Variants in OVOL2 observed in about 807,000 individuals in gnomAD.
OVOL2 encodes the protein transcription factor Ovo-like 2.
OVOL2 carries 13 observed loss-of-function variants against 18.1 expected under a neutral mutation model. That is an observed-to-expected ratio of 0.72 (90% CI 0.47 to 1.14). The LOEUF (loss-of-function observed/expected upper bound fraction) is 1.14, where lower values mean the gene tolerates loss of function less well. OVOL2 is among the 50% of genes most tolerant of loss of function. OVOL2 has a pLI of 0.00. For synonymous variants in OVOL2, 166 were observed against 162.7 expected (o/e 1.02, Z -0.16); for missense variants, 335 against 383.0 (o/e 0.87, Z 1.05).
In OVOL2 at chr20:18,047,402, C is replaced by T. The variant is rs1351037231; in HGVS notation, c.322-5679G>A. The stretch of plus-strand genomic sequence containing the variant: ...GTGGCTACTCATAATCCCAGCTACT[C>T]GGGAGGCTGAAACAAGAGAATCGTT... On this transcript the variant is annotated intron_variant, in intron 2 of 3. Transcript: ENST00000278780. 7.1e-5 allele frequency among the ~76,000 whole-genome samples: 10 copies of T among 141,200 alleles called. 2 individuals carry two copies. The highest frequency in any genetic ancestry group is 2.5e-4 in the African/African-American group (9 of 36,562). 92.6% of individuals were successfully genotyped at this position (141,200 alleles called of 152,430 possible).
At chr20:18,043,736 G>A (rs1306543911) in intron 2 of OVOL2, among the ~76,000 whole-genome samples, 1 of 152,166 alleles carries the variant, frequency 6.6e-6, no homozygotes, top group Non-Finnish European at 1.5e-5. Context: ...ACCTGGGTCT[G>A]GACTCCCTGC....
chr20:18,047,123 C>T lies in OVOL2; in HGVS notation c.322-5400G>A, dbSNP rs146412030. Among the ~76,000 whole-genome samples, 422 of 152,322 alleles carry T rather than the reference C, an allele frequency of 2.8e-3. 4 individuals are homozygous for T. Among genetic ancestry groups the T allele is most frequent in the Admixed American group, 0.025 (379 of 15,304 alleles). ...TTCCTCAATTCCTTCAATTCCTGTTCTACCACTTAGTTTGTGGCAAGTTAC... is the reference window on the plus strand; with the variant it reads ...TTCCTCAATTCCTTCAATTCCTGTTTTACCACTTAGTTTGTGGCAAGTTAC... On this transcript the variant is annotated intron_variant, in intron 2 of 3. Transcript: ENST00000278780.
chr20:18,055,013 C>A lies in OVOL2; in HGVS notation c.321+1644G>T, dbSNP rs1235599473. 3.3e-5 allele frequency among the ~76,000 whole-genome samples: 5 copies of A among 151,964 alleles called. No individual in the cohort carries two copies. In the East Asian group the frequency reaches 9.7e-4, roughly 29 times the overall value. ...GGCAGAAAGAGGGAACCTAAACATCCCCAGTAAATAAAAATTCCCCTGGAA... is the reference window on the plus strand; with the variant it reads ...GGCAGAAAGAGGGAACCTAAACATCACCAGTAAATAAAAATTCCCCTGGAA... On this transcript the variant is annotated intron_variant, in intron 2 of 3. Transcript: ENST00000278780.
chr20:18,027,072 A>G (rs2036526353), intron 3 of OVOL2, among the ~76,000 whole-genome samples: 1 of 151,048 alleles, frequency 6.6e-6, no homozygotes, highest in African/African-American at 2.4e-5. Context: ...ATATAAACAA[A>G]CCTGCACATG....
rs1368025582 is a variant in OVOL2 at position 18,057,540 on chromosome 20, A to T, written c.95T>A (p.Ile32Asn). The T allele has an allele frequency of 1.3e-6, 2 of 1,550,932 alleles. No individual in the cohort carries two copies. Among genetic ancestry groups the T allele is most frequent in the Admixed American group, 1.8e-5 (1 of 54,874 alleles). ...CGGCCCCCGCGCGCGCTCACCTGGG[A>T]TGTAGGTGTCTGCCCTTTTCTCATC... ...LPDEKRADTY[I>N]PVGLGRLLHD... The change falls in exon 1 of 4, where the codon ATC (isoleucine) becomes AAC (asparagine). Residue 32 changes from isoleucine to asparagine, a missense_variant. By Grantham distance (149) the Ile-to-Asn change is moderately radical. Transcript: ENST00000278780. This position sits in a 1 kb window ranked among gnomAD's most constrained non-coding sequence, Gnocchi z 6.3.
Position 18,039,415 on chromosome 20 carries a change from A to G in OVOL2, c.511+2119T>C, listed in dbSNP as rs1030000776. Among the ~76,000 whole-genome samples, 83 of 152,188 alleles carry G rather than the reference A, an allele frequency of 5.5e-4. 1 individual carries two copies. Among genetic ancestry groups the G allele is most frequent in the Non-Finnish European group, 1.1e-3 (75 of 68,006 alleles). ...GGCGGGTGGATGGCTTGAGCCCAGGAGTTTGAGACCAGCCTGGGCAACATG... is the reference window on the plus strand; with the variant it reads ...GGCGGGTGGATGGCTTGAGCCCAGGGGTTTGAGACCAGCCTGGGCAACATG... On this transcript the variant is annotated intron_variant, in intron 3 of 3. Transcript: ENST00000278780.
chr20:18,048,051 G>C (rs998565769), intron 2 of OVOL2, among the ~76,000 whole-genome samples: 6 of 151,500 alleles, frequency 4.0e-5, no homozygotes, highest in African/African-American at 1.5e-4. Flanking sequence ...ACTTTGGGAG[G>C]CTGAGGGGGC....
At position 18,057,895 on chromosome 20, in the gene OVOL2, TAGAAA is replaced by T. The variant is rs2036846256; in HGVS notation, c.-266_-262del. 1 of 1,312,760 alleles carries T rather than the reference TAGAAA, an allele frequency of 7.6e-7. No individual in the cohort carries two copies. The highest frequency in any genetic ancestry group is 9.7e-7 in the Non-Finnish European group (1 of 1,035,334). The allele number at this position is 1,312,760 out of a possible 1,614,324, so 81.3% of individuals were successfully genotyped here. A position where few individuals can be genotyped will look rare whatever the true frequency, so the allele number is the denominator to read the frequency against. ...GGGGAAAAAGTTTCATAAGGTGGAA[TAGAAA>T]AGGCACCAGGAAACTTGGGACTGAG... On this transcript the variant is annotated 5_prime_UTR_variant, in exon 1 of 4. Coordinates refer to ENST00000278780, the MANE Select transcript of OVOL2 (RefSeq NM_021220.4). The surrounding 1 kb of genome is among the most constrained non-coding windows in gnomAD (Gnocchi z 6.3).
In OVOL2 at chr20:18,044,770, G is replaced by A. The variant is rs114705167; in HGVS notation, c.322-3047C>T. On this transcript the variant is annotated intron_variant, in intron 2 of 3. Transcript: ENST00000278780. ...CAGCACCAGGGAAGATGCTTCCAGA[G>A]GAAGTGAGCTCCTTAGTCAGGCAAA... Among the ~76,000 whole-genome samples the A allele has an allele frequency of 4.6e-3, 693 of 152,274 alleles. 2 individuals are homozygous for A. The highest frequency in any genetic ancestry group is 0.016 in the African/African-American group (663 of 41,556).
chr20:18,026,043 A>G (rs1224783489), intron 3 of OVOL2, among the ~76,000 whole-genome samples: 1 of 152,234 alleles, frequency 6.6e-6, no homozygotes, highest in Non-Finnish European at 1.5e-5. Context: ...ATCATTTCCA[A>G]ACAAGATCTC....
chr20:18,052,127 A>G (rs947511526), intron 2 of OVOL2, among the ~76,000 whole-genome samples: 7 of 152,196 alleles, frequency 4.6e-5, no homozygotes, highest in Non-Finnish European at 2.9e-5. Context: ...CCGTTTAGAG[A>G]AAACCTAGGG....
Position 18,056,768 on chromosome 20 carries a change from G to A in OVOL2, c.210C>T (p.Ser70=), listed in dbSNP as rs1226022441. ...SSAGEPGGAE[S]SSSPHAPESE... is the part of the protein sequence containing the mutation. ...TCTCGGGGGCGTGCGGGGACGAGCT[G>A]CTCTCTGCTCCTCCAGGCTCCCCCG... Residue 70 remains serine (S), a synonymous_variant, in exon 2 of 4, where the codon AGC becomes AGT. Transcript: ENST00000278780. This position sits in a 1 kb window ranked among gnomAD's most constrained non-coding sequence, Gnocchi z 4.2. 4 of 1,506,590 alleles carry A rather than the reference G, an allele frequency of 2.7e-6. No homozygotes were observed. Among genetic ancestry groups the A allele is most frequent in the South Asian group, 1.2e-5 (1 of 80,582 alleles). The allele number at this position is 1,506,590 out of a possible 1,614,324, so 93.3% of individuals were successfully genotyped here. A position where few individuals can be genotyped will look rare whatever the true frequency, so the allele number is the denominator to read the frequency against.
upstream of OVOL2, chr20:18,058,944 C>T (rs2036854674): frequency 6.6e-6 from 1 of 152,190 alleles, no homozygotes; most frequent in South Asian, 2.1e-4. Context: ...CCAGGACAAC[C>T]GGCACAGCCT....
chr20:18,027,928 A>G (rs2036534963), intron 3 of OVOL2, among the ~76,000 whole-genome samples: 1 of 152,108 alleles, frequency 6.6e-6, no homozygotes, highest in African/African-American at 2.4e-5. Context: ...AAGAGAGGTT[A>G]TGGCTGTGAA....
At chr20:18,030,969 C>T (rs1027836257) in intron 3 of OVOL2, among the ~76,000 whole-genome samples, 1 of 152,162 alleles carries the variant, frequency 6.6e-6, no homozygotes, top group East Asian at 1.9e-4. Flanking sequence ...TTCAGGGGGA[C>T]GTGGGTGGCC....
chr20:18,033,395 C>T (rs557479070), intron 3 of OVOL2, among the ~76,000 whole-genome samples: 5 of 152,322 alleles, frequency 3.3e-5, no homozygotes, highest in African/African-American at 1.2e-4. Flanking sequence ...TTCCAGCCAG[C>T]GTTGTTAAGT....
At chr20:18,035,324 G>A (rs925531317) in intron 3 of OVOL2, among the ~76,000 whole-genome samples, 2 of 152,152 alleles carry the variant, frequency 1.3e-5, no homozygotes, top group South Asian at 4.1e-4. Flanking sequence ...GGTGGCATGT[G>A]CCTATAATCC....
At position 18,056,683 on chromosome 20, in the gene OVOL2, G is replaced by A. The variant is rs2036829505; in HGVS notation, c.295C>T (p.Arg99Cys). Residue 99 changes from arginine to cysteine, a missense_variant, in exon 2 of 4, where the codon CGC (arginine) becomes TGC (cysteine). By Grantham distance (180) the Arg-to-Cys change is radical. Transcript: ENST00000278780. This position sits in a 1 kb window ranked among gnomAD's most constrained non-coding sequence, Gnocchi z 4.2. ...TTGATTTTCGATCTGGCGACCGGGC[G>A]CTGCTTGGTCGCCAGGTGTCCATCG... ...GPDGHLATKQ[R>C]PVARSKIKFT... The A allele has an allele frequency of 2.1e-6, 3 of 1,435,600 alleles. No homozygotes were observed. The highest frequency in any genetic ancestry group is 2.7e-6 in the Non-Finnish European group (3 of 1,098,650). 88.9% of individuals were successfully genotyped at this position (1,435,600 alleles called of 1,614,324 possible). A position where few individuals can be genotyped will look rare whatever the true frequency, so the allele number is the denominator to read the frequency against.
chr20:18,025,865 C>T (rs2036509472), intron 3 of OVOL2, among the ~76,000 whole-genome samples: 1 of 152,214 alleles, frequency 6.6e-6, no homozygotes, highest in South Asian at 2.1e-4. Context: ...TTTTGATTCT[C>T]CATCCCCAGC....
Sources: gnomAD v4.1 joint callset for allele counts (sites outside exome capture counted in the v4.1 genomes callset) on GRCh38, gnomAD v4.1.1 for gene constraint, Gnocchi (gnomAD v3.1) non-coding constraint, MANE v1.5 for transcripts, NCBI Gene and HGNC (gene_info 2026-07-23, HGNC 2026-07-21) for gene names.